Variants in TRAPPC9 observed in about 807,000 individuals in gnomAD.
TRAPPC9 encodes the protein IKK2 binding protein.
A neutral mutation model predicts 124.0 loss-of-function variants in TRAPPC9; 83 were observed. The ratio of observed to expected loss-of-function variants is 0.67; its 90% CI spans 0.56 to 0.80. The LOEUF (loss-of-function observed/expected upper bound fraction) is 0.80. TRAPPC9 is among the 30% of genes least tolerant of loss of function. The pLI, the probability that TRAPPC9 is intolerant of heterozygous loss-of-function variation, is 0.00. For missense variants in TRAPPC9, 1,302 were observed against 1,508.3 expected, an observed-to-expected ratio of 0.86 and a Z score of 2.27; for synonymous variants, 638 against 617.5, an observed-to-expected ratio of 1.03 and a Z score of -0.49.
chr8:140,027,656 T>C (rs1840234951), intron 17 of TRAPPC9, among the ~76,000 whole-genome samples: 1 of 152,178 alleles, frequency 6.6e-6, no homozygotes, highest in Non-Finnish European at 1.5e-5. Flanking sequence ...GTTGTATTAC[T>C]CCATTCTCAC....
intron 17 of TRAPPC9, among the ~76,000 whole-genome samples, chr8:140,034,489 C>G (rs1420042464): frequency 6.6e-6 from 1 of 152,198 alleles, no homozygotes; most frequent in Non-Finnish European, 1.5e-5. Flanking sequence ...ACGTTCCCTG[C>G]CTCTGACTTA....
intron 6 of TRAPPC9, among the ~76,000 whole-genome samples, chr8:140,404,907 TGC>T (rs201316794): frequency 0.21 from 26,927 of 127,798 alleles, 2,841 homozygotes; most frequent in South Asian, 0.35. Context: ...TGTGTGAGCA[TGC>T]GTGTGTGTGT....
At chr8:140,270,525 ACCCT>A (rs2064845412) in intron 15 of TRAPPC9, among the ~76,000 whole-genome samples, 1 of 152,150 alleles carries the variant, frequency 6.6e-6, no homozygotes, top group African/African-American at 2.4e-5. Context: ...GAGAGACCAT[ACCCT>A]GATTAGAGAA....
intron 21 of TRAPPC9, among the ~76,000 whole-genome samples, chr8:139,747,839 T>G (rs1586753340): frequency 3.4e-4 from 6 of 17,434 alleles, no homozygotes; most frequent in Non-Finnish European, 5.4e-4. Flanking sequence ...TCAGAGCAGG[T>G]GGGGAGGTGT....
At chr8:139,861,046 C>A (rs574551728) in intron 21 of TRAPPC9, among the ~76,000 whole-genome samples, 1 of 152,228 alleles carries the variant, frequency 6.6e-6, no homozygotes, top group Non-Finnish European at 1.5e-5. Flanking sequence ...TTCTGTCAGG[C>A]GGCATATGCT....
chr8:140,423,852 G>T (rs2070328320), intron 5 of TRAPPC9, among the ~76,000 whole-genome samples: 1 of 152,124 alleles, frequency 6.6e-6, no homozygotes, highest in Non-Finnish European at 1.5e-5. Context: ...TACAGTAAGT[G>T]AAAGAGGCCA....
chr8:140,424,136 T>A (rs2070337388), intron 5 of TRAPPC9, among the ~76,000 whole-genome samples: 1 of 139,150 alleles, frequency 7.2e-6, no homozygotes. Flanking sequence ...TAAAACTAGT[T>A]TGTTTGTTTG....
intron 9 of TRAPPC9, among the ~76,000 whole-genome samples, chr8:140,329,816 C>A (rs374386655): frequency 6.6e-6 from 1 of 152,104 alleles, no homozygotes; most frequent in South Asian, 2.1e-4. Flanking sequence ...CATGGTGGCT[C>A]ACACCTGTAA....
intron 17 of TRAPPC9, among the ~76,000 whole-genome samples, chr8:140,185,756 G>A (rs1296910146): frequency 5.9e-5 from 9 of 152,204 alleles, no homozygotes; most frequent in East Asian, 1.9e-4. Flanking sequence ...TCGGGAACCC[G>A]GCATTATTTC....
At chr8:139,807,939 A>G (rs866704294) in intron 21 of TRAPPC9, among the ~76,000 whole-genome samples, 1 of 152,172 alleles carries the variant, frequency 6.6e-6, no homozygotes, top group Non-Finnish European at 1.5e-5. Flanking sequence ...GAACTTCTCC[A>G]CAGACAGGAA....
intron 17 of TRAPPC9, among the ~76,000 whole-genome samples, chr8:140,129,193 A>C (rs1197316068): frequency 6.6e-6 from 1 of 152,026 alleles, no homozygotes; most frequent in Non-Finnish European, 1.5e-5. Context: ...CTCCTTTCTG[A>C]ACAAGGCAGG....
At chr8:139,870,932 G>A (rs1197716301) in intron 21 of TRAPPC9, among the ~76,000 whole-genome samples, 1 of 152,220 alleles carries the variant, frequency 6.6e-6, no homozygotes, top group Non-Finnish European at 1.5e-5. Flanking sequence ...GATATTCTGA[G>A]GCTTTCCCTT....
chr8:140,122,126 T>C (rs2061001209), intron 17 of TRAPPC9, among the ~76,000 whole-genome samples: 1 of 151,080 alleles, frequency 6.6e-6, no homozygotes, highest in Non-Finnish European at 1.5e-5. Flanking sequence ...CTTCAATGAG[T>C]CAAGGATCTG....
At chr8:140,396,472 G>C (rs1264527872) in intron 7 of TRAPPC9, among the ~76,000 whole-genome samples, 1 of 151,966 alleles carries the variant, frequency 6.6e-6, no homozygotes, top group African/African-American at 2.4e-5. Context: ...GCCGCTCTTA[G>C]AAGCAGCCCC....
chr8:139,837,279 G>A lies in TRAPPC9; in HGVS notation c.3055+48600C>T, dbSNP rs772445098. ...GTGCTTCACTCTGTGACACCCTGTCGAGGCAGCACGGTAACCAGAGGCACC... is the reference window on the plus strand; with the variant it reads ...GTGCTTCACTCTGTGACACCCTGTCAAGGCAGCACGGTAACCAGAGGCACC... On this transcript the variant is annotated intron_variant, in intron 21 of 22. Transcript: ENST00000438773. Among the ~76,000 whole-genome samples, 9 of 152,182 alleles carry A rather than the reference G, an allele frequency of 5.9e-5. No individual in the cohort carries two copies. In the South Asian group the frequency reaches 1.2e-3, roughly 21 times the overall value.
intron 17 of TRAPPC9, among the ~76,000 whole-genome samples, chr8:140,158,181 C>G (rs989876907): frequency 6.6e-6 from 1 of 152,164 alleles, no homozygotes; most frequent in Non-Finnish European, 1.5e-5. Flanking sequence ...AACAGCCCCC[C>G]CTCAAATATA....
chr8:140,342,022 A>G (rs150940637), intron 9 of TRAPPC9, among the ~76,000 whole-genome samples: 7 of 152,374 alleles, frequency 4.6e-5, no homozygotes, highest in African/African-American at 1.7e-4. Context: ...GGAGGACAGG[A>G]AAGAAAGGGC....
At chr8:140,371,856 C>T (rs1172857320) in intron 7 of TRAPPC9, among the ~76,000 whole-genome samples, 1 of 152,126 alleles carries the variant, frequency 6.6e-6, no homozygotes, top group Admixed American at 6.5e-5. Flanking sequence ...AGCACCCACC[C>T]CCATGCTGGC....
At chr8:140,342,784 C>A (rs1402773526) in intron 9 of TRAPPC9, among the ~76,000 whole-genome samples, 2 of 152,126 alleles carry the variant, frequency 1.3e-5, no homozygotes, top group Non-Finnish European at 2.9e-5. Context: ...ATACATATAT[C>A]CTTGGCAATA....
Sources: gnomAD v4.1 joint callset for allele counts (sites outside exome capture counted in the v4.1 genomes callset) on GRCh38, gnomAD v4.1.1 for gene constraint, MANE v1.5 for transcripts, NCBI Gene and HGNC (gene_info 2026-07-23, HGNC 2026-07-21) for gene names.